SNTG2: variants seen among roughly 807,000 people sequenced by gnomAD.
SNTG2 encodes gamma-2-syntrophin.
A neutral mutation model predicts 70.9 loss-of-function variants in SNTG2; 74 were observed. The observed-to-expected ratio is 1.04, with a 90% CI of 0.86 to 1.27. The LOEUF (loss-of-function observed/expected upper bound fraction) is 1.27. SNTG2 is among the 50% of genes most tolerant of loss of function. The pLI, the probability that SNTG2 is intolerant of heterozygous loss-of-function variation, is 0.00. For synonymous variants in SNTG2, 278 were observed against 273.8 expected (o/e 1.02, Z -0.15); for missense variants, 717 against 690.7 (o/e 1.04, Z -0.43).
chr2:1,192,935 G>A (rs984913994), intron 8 of SNTG2, among the ~76,000 whole-genome samples: 2 of 152,196 alleles, frequency 1.3e-5, no homozygotes, highest in Non-Finnish European at 2.9e-5. Flanking sequence ...GTGAGTAGTG[G>A]GTGGAAGAGA....
At chr2:1,262,739 G>GAAGGCTCCGTGCAGATGAGGCAACCC in intron 13 of SNTG2, 1 of 101,986 alleles carries the variant, frequency 9.8e-6, no homozygotes, top group Middle Eastern at 5.0e-3. Context: ...CGAGGCAACC[G>GAAGGCTCCGTGCAGATGAGGCAACCC]GAAGGCTCCG....
intron 4 of SNTG2, chr2:1,103,396 T>G (rs1665913965): frequency 3.5e-6 from 1 of 286,692 alleles, no homozygotes; most frequent in African/African-American, 2.4e-5. Flanking sequence ...TTTTTATTTT[T>G]TTTTTTAGAT....
At chr2:1,270,853 A>G (rs1056774957) in intron 14 of SNTG2, among the ~76,000 whole-genome samples, 2 of 152,256 alleles carry the variant, frequency 1.3e-5, no homozygotes, top group African/African-American at 4.8e-5. Context: ...TTACATGTGT[A>G]TAGTGTTGAT....
At chr2:1,042,481 A>G (rs1661495068) in intron 1 of SNTG2, among the ~76,000 whole-genome samples, 1 of 152,134 alleles carries the variant, frequency 6.6e-6, no homozygotes, top group South Asian at 2.1e-4. Flanking sequence ...CTCAGGTAAT[A>G]ATAGTACTCA....
At chr2:1,002,255 T>C (rs981776265) in intron 1 of SNTG2, among the ~76,000 whole-genome samples, 56 of 151,862 alleles carry the variant, frequency 3.7e-4, no homozygotes, top group Admixed American at 3.2e-3. Flanking sequence ...ATCCCAAAAA[T>C]AGACAAATTG....
At chr2:1,339,283 T>C (rs953636430) in intron 16 of SNTG2, among the ~76,000 whole-genome samples, 3 of 152,240 alleles carry the variant, frequency 2.0e-5, no homozygotes, top group Non-Finnish European at 2.9e-5. Context: ...AGATATATGA[T>C]GTGTAAATAT....
chr2:1,025,223 G>A (rs2148020085), intron 1 of SNTG2, among the ~76,000 whole-genome samples: 1 of 152,274 alleles, frequency 6.6e-6, no homozygotes, highest in East Asian at 1.9e-4. Context: ...TCCCAGCTGG[G>A]AGCAACTTCA....
chr2:1,208,562 C>T (rs1046503813), intron 8 of SNTG2, among the ~76,000 whole-genome samples: 3 of 152,078 alleles, frequency 2.0e-5, no homozygotes, highest in Admixed American at 6.5e-5. Flanking sequence ...GCTCCTTCAC[C>T]TTCCCAGACG....
At chr2:1,057,076 A>G (rs967285708) in intron 1 of SNTG2, among the ~76,000 whole-genome samples, 4 of 151,882 alleles carry the variant, frequency 2.6e-5, no homozygotes, top group African/African-American at 9.7e-5. Flanking sequence ...GCAGGGTTGG[A>G]CGGGGCTTTC....
intron 8 of SNTG2, among the ~76,000 whole-genome samples, chr2:1,190,777 T>C (rs968995065): frequency 6.6e-6 from 1 of 152,038 alleles, no homozygotes; most frequent in African/African-American, 2.4e-5. Flanking sequence ...CAAATATCTT[T>C]AGAAGTCAAT....
chr2:1,169,763 C>T (rs1263923099), intron 7 of SNTG2, among the ~76,000 whole-genome samples: 1 of 152,148 alleles, frequency 6.6e-6, no homozygotes, highest in Non-Finnish European at 1.5e-5. Flanking sequence ...TGGACAGGCC[C>T]AGCTACACGG....
At chr2:1,125,878 A>C (rs919591148) in intron 4 of SNTG2, among the ~76,000 whole-genome samples, 6 of 152,174 alleles carry the variant, frequency 3.9e-5, no homozygotes, top group Admixed American at 1.3e-4. Context: ...TAATTAACAC[A>C]TAATTGTACA....
Position 1,072,308 on chromosome 2 carries a change from G to T in SNTG2, c.73-11210G>T, listed in dbSNP as rs867667423. On this transcript the variant is annotated intron_variant, in intron 1 of 16. Coordinates refer to ENST00000308624, the MANE Select transcript of SNTG2 (RefSeq NM_018968.4). ...ATGGAGTTTGTGACTTTAAGTTAAA[G>T]CCAGTGATTTTCTTTTTCTTTTTCT... 8.1e-5 allele frequency among the ~76,000 whole-genome samples: 12 copies of T among 147,712 alleles called. No individual in the cohort carries two copies. In the South Asian group the frequency reaches 1.7e-3, roughly 22 times the overall value.
intron 8 of SNTG2, among the ~76,000 whole-genome samples, chr2:1,190,524 T>C (rs1470671280): frequency 2.2e-5 from 2 of 92,544 alleles, no homozygotes; most frequent in Non-Finnish European, 4.4e-5. Flanking sequence ...TATATATATA[T>C]ATATATATAT....
rs367859307 is a variant in SNTG2, at chr2:1,103,030, G to A, written c.325+4620G>A. ...CAGGATTCCACACCCTGGAGCCCCC[G>A]CCCCCTGGTCCCTCTGATGTGGAGA... is the stretch of plus-strand genomic sequence containing the variant. On this transcript the variant is annotated intron_variant, in intron 4 of 16. Coordinates refer to ENST00000308624, the MANE Select transcript of SNTG2 (RefSeq NM_018968.4). 3.9e-5 allele frequency among the ~76,000 whole-genome samples: 6 copies of A among 152,126 alleles called. No homozygotes were observed. The South Asian group carries it at 6.2e-4, about 16-fold the overall frequency.
chr2:1,058,582 T>A (rs564832058), intron 1 of SNTG2, among the ~76,000 whole-genome samples: 1 of 152,230 alleles, frequency 6.6e-6, no homozygotes, highest in Non-Finnish European at 1.5e-5. Flanking sequence ...CAGCTGCTGC[T>A]GTCTGCTTTT....
rs71440606 is a variant in SNTG2 at position 1,012,870 on chromosome 2, T to G, written c.72+61802T>G. Among the ~76,000 whole-genome samples the G allele has an allele frequency of 1.1e-3, 48 of 41,984 alleles. 2 individuals carry two copies. The highest frequency in any genetic ancestry group is 3.6e-3 in the African/African-American group (45 of 12,346). 27.5% of individuals were successfully genotyped at this position (41,984 alleles called of 152,430 possible). A position where few individuals can be genotyped will look rare whatever the true frequency, so the allele number is the denominator to read the frequency against. On this transcript the variant is annotated intron_variant, in intron 1 of 16. Coordinates refer to ENST00000308624, the MANE Select transcript of SNTG2 (RefSeq NM_018968.4). Reference sequence around the variant, plus strand: ...TATGGGCAGAGAGAAGAGTGGTCTGTAGAGGGATTTATAAGGGCAGAGAGA... The same window carrying G: ...TATGGGCAGAGAGAAGAGTGGTCTGGAGAGGGATTTATAAGGGCAGAGAGA...
intron 1 of SNTG2, among the ~76,000 whole-genome samples, chr2:1,074,058 C>T (rs1472657397): frequency 6.6e-6 from 1 of 152,092 alleles, no homozygotes; most frequent in Non-Finnish European, 1.5e-5. Context: ...AAAAGGAAAC[C>T]GCCCAGATAG....
At chr2:1,339,283 T>A (rs953636430) in intron 16 of SNTG2, among the ~76,000 whole-genome samples, 1 of 152,358 alleles carries the variant, frequency 6.6e-6, no homozygotes, top group Non-Finnish European at 1.5e-5. Context: ...AGATATATGA[T>A]GTGTAAATAT....
Sources: gnomAD v4.1 joint callset for allele counts (sites outside exome capture counted in the v4.1 genomes callset) on GRCh38, gnomAD v4.1.1 for gene constraint, MANE v1.5 for transcripts, NCBI Gene and HGNC (gene_info 2026-07-23, HGNC 2026-07-21) for gene names.